Variants in LANCL2 observed in about 807,000 individuals in gnomAD.
LANCL2 encodes LanC like glutathione S-transferase 2, also known as lanC-like protein 2.
Under a neutral mutation model 56.9 loss-of-function variants are expected in LANCL2, and 33 were observed. That is an observed-to-expected ratio of 0.58 (90% CI 0.44 to 0.78). The LOEUF (loss-of-function observed/expected upper bound fraction) is 0.78. LANCL2 is among the 30% of genes least tolerant of loss of function. LANCL2 has a pLI of 0.00. For synonymous variants in LANCL2, 233 were observed against 228.2 expected (o/e 1.02, Z -0.19); for missense variants, 562 against 580.2 (o/e 0.97, Z 0.32).
intron 6 of LANCL2, among the ~76,000 whole-genome samples, chr7:55,415,002 G>GA (rs397824594): frequency 5.2e-5 from 6 of 116,302 alleles, no homozygotes; most frequent in Non-Finnish European, 8.2e-5. Flanking sequence ...AAAAAAAAAA[G>GA]AAAAGAAAAG....
chr7:55,378,126 A>G (rs1377269751), intron 1 of LANCL2, among the ~76,000 whole-genome samples: 1 of 152,244 alleles, frequency 6.6e-6, no homozygotes, highest in East Asian at 1.9e-4. Flanking sequence ...ACTTAGTGCC[A>G]GGTACATAGT....
At chr7:55,367,089 C>G (rs543270519) in intron 1 of LANCL2, among the ~76,000 whole-genome samples, 5 of 152,198 alleles carry the variant, frequency 3.3e-5, no homozygotes, top group Non-Finnish European at 5.9e-5. Flanking sequence ...GTGCTTTTAG[C>G]TTAAAATAAT....
chr7:55,395,765 CA>C (rs1188298680), intron 2 of LANCL2, among the ~76,000 whole-genome samples: 4 of 152,204 alleles, frequency 2.6e-5, no homozygotes, highest in Admixed American at 2.6e-4. Context: ...AGTGAGGTCA[CA>C]GGGGCAAACT....
At chr7:55,370,091 C>T (rs1168021938) in intron 1 of LANCL2, among the ~76,000 whole-genome samples, 3 of 152,198 alleles carry the variant, frequency 2.0e-5, no homozygotes, top group African/African-American at 2.4e-5. Context: ...ACCAGGGCTT[C>T]TGTCATTTTG....
chr7:55,369,700 C>G (rs1789921332), intron 1 of LANCL2, among the ~76,000 whole-genome samples: 1 of 152,048 alleles, frequency 6.6e-6, no homozygotes. Context: ...CTTTGACCAG[C>G]AGCAGCAGCA....
chr7:55,381,783 TAACA>T (rs1456608232), intron 1 of LANCL2, among the ~76,000 whole-genome samples: 1 of 152,216 alleles, frequency 6.6e-6, no homozygotes, highest in African/African-American at 2.4e-5. Context: ...ACAGATGGCT[TAACA>T]AACCCAGCTT....
rs1789851712 is a variant in LANCL2, at chr7:55,365,763, C to T, written c.-263C>T. On this transcript the variant is annotated 5_prime_UTR_variant, in exon 1 of 9. Coordinates refer to ENST00000254770, the MANE Select transcript of LANCL2 (RefSeq NM_018697.4). ...GAGCCGCTGGGCGCTCCCGCGAGCC[C>T]GCTCCTCTCCGTCGGGAGCAGGGCA... 2.8e-6 allele frequency: 1 copy of T among 351,390 alleles called. No homozygotes were observed. Among genetic ancestry groups the T allele is most frequent in the South Asian group, 1.3e-4 (1 of 7,810 alleles). The allele number at this position is 351,390 out of a possible 1,614,324, so 21.8% of individuals were successfully genotyped here.
chr7:55,400,911 G>T (rs569391451), intron 4 of LANCL2, among the ~76,000 whole-genome samples: 33 of 152,182 alleles, frequency 2.2e-4, no homozygotes, highest in African/African-American at 7.9e-4. Context: ...TAGATTTTTC[G>T]TTGACTTTTT....
chr7:55,425,158 A>C, intron 6 of LANCL2, 96 bp from the exon 7 acceptor site: 1 of 1,242,850 alleles, frequency 8.0e-7, no homozygotes, highest in South Asian at 1.5e-5. Flanking sequence ...CAGTTTTCCT[A>C]ATATCATGCC....
chr7:55,403,484 T>TTC (rs1337817381), intron 5 of LANCL2, among the ~76,000 whole-genome samples: 1 of 128,368 alleles, frequency 7.8e-6, no homozygotes, highest in Non-Finnish European at 1.5e-5. Flanking sequence ...GGAGGAGCCT[T>TTC]TCCAATTTTC....
At chr7:55,369,694 G>C (rs868675480) in intron 1 of LANCL2, among the ~76,000 whole-genome samples, 1 of 135,508 alleles carries the variant, frequency 7.4e-6, no homozygotes, top group Admixed American at 7.1e-5. Context: ...TAATGTCTTT[G>C]ACCAGCAGCA....
At chr7:55,412,825 C>A (rs915119846) in intron 6 of LANCL2, among the ~76,000 whole-genome samples, 45 of 152,274 alleles carry the variant, frequency 3.0e-4, no homozygotes, top group African/African-American at 1.0e-3. Flanking sequence ...TTGCTCTGTT[C>A]AACACAGTAT....
intron 1 of LANCL2, among the ~76,000 whole-genome samples, chr7:55,386,112 A>G (rs960760773): frequency 6.6e-6 from 1 of 152,154 alleles, no homozygotes; most frequent in Admixed American, 6.5e-5. Flanking sequence ...CGCATTTCAT[A>G]TTGCCCAAAC....
intron 5 of LANCL2, among the ~76,000 whole-genome samples, chr7:55,401,892 A>G: frequency 7.8e-6 from 1 of 127,406 alleles, no homozygotes; most frequent in Non-Finnish European, 1.7e-5. Flanking sequence ...CCAAGGCAGA[A>G]GAATTTTTCT....
At chr7:55,424,649 A>G (rs2128996506) in intron 6 of LANCL2, among the ~76,000 whole-genome samples, 1 of 152,348 alleles carries the variant, frequency 6.6e-6, no homozygotes, top group South Asian at 2.1e-4. Context: ...CGTGAAACAG[A>G]AGGAGGACAA....
rs144328720 is a variant in LANCL2, at chr7:55,397,974, A to G, written c.323-449A>G. 4.5e-3 allele frequency among the ~76,000 whole-genome samples: 690 copies of G among 152,348 alleles called. 4 individuals are homozygous for G. The highest frequency in any genetic ancestry group is 0.02 in the Middle Eastern group (6 of 294). ...GGGAAAAATAGAAAAAAAAATAGGA[A>G]GAAGGGAGTATAAAGTTCAGAAAAG... is the stretch of plus-strand genomic sequence containing the variant. On this transcript the variant is annotated intron_variant, in intron 2 of 8. Transcript: ENST00000254770.
In LANCL2 at chr7:55,399,943, T is replaced by C; in HGVS notation, c.531-14T>C. ...ACTTCCACTGGGAAAAAATTAATTT[T>C]TCTTATTGGTTAGACTTTTGCAGCT... On this transcript the variant is annotated splice_polypyrimidine_tract_variant and intron_variant, in intron 3 of 8. Transcript: ENST00000254770. 1 of 1,599,878 alleles carries C rather than the reference T, an allele frequency of 6.3e-7. No homozygotes were observed. Among genetic ancestry groups the C allele is most frequent in the Non-Finnish European group, 8.5e-7 (1 of 1,169,686 alleles).
chr7:55,372,076 T>C (rs1019488636), intron 1 of LANCL2, among the ~76,000 whole-genome samples: 22 of 152,244 alleles, frequency 1.4e-4, no homozygotes, highest in Non-Finnish European at 2.8e-4. Context: ...AAGATCCTCA[T>C]GCCAGAGTAC....
intron 2 of LANCL2, among the ~76,000 whole-genome samples, chr7:55,396,084 C>T (rs1790248778): frequency 6.6e-6 from 1 of 152,208 alleles, no homozygotes; most frequent in South Asian, 2.1e-4. Context: ...ATTATGATTA[C>T]GATCTTATGG....
Sources: allele counts gnomAD v4.1 joint callset (sites outside exome capture counted in the v4.1 genomes callset), GRCh38; gene constraint gnomAD v4.1.1; transcripts MANE v1.5; gene names NCBI Gene and HGNC (gene_info 2026-07-23, HGNC 2026-07-21).